ACSS2: variants seen among roughly 807,000 people sequenced by gnomAD.
ACSS2 encodes the protein acetyl-coenzyme A synthetase, cytoplasmic.
Under a neutral mutation model 90.6 loss-of-function variants are expected in ACSS2, and 58 were observed. The observed-to-expected ratio is 0.64, with a 90% CI of 0.52 to 0.80. ACSS2 has a LOEUF of 0.80. ACSS2 is among the 30% of genes least tolerant of loss of function. The pLI, the probability that ACSS2 is intolerant of heterozygous loss-of-function variation, is 0.00. For missense variants in ACSS2, 759 were observed against 912.0 expected, an observed-to-expected ratio of 0.83 and a Z score of 2.16; for synonymous variants, 300 against 330.9, an observed-to-expected ratio of 0.91 and a Z score of 1.01.
At chr20:34,878,985 A>G (rs2079996577) in intron 1 of ACSS2, among the ~76,000 whole-genome samples, 1 of 148,960 alleles carries the variant, frequency 6.7e-6, no homozygotes, top group Admixed American at 6.7e-5. Context: ...GCTCACTGCA[A>G]GCTCCGCCTC....
intron 7 of ACSS2, among the ~76,000 whole-genome samples, chr20:34,917,316 G>A (rs1253127315): frequency 1.3e-5 from 2 of 152,234 alleles, no homozygotes; most frequent in African/African-American, 4.8e-5. Flanking sequence ...CAATGTATGT[G>A]TAGATGCATA....
intron 1 of ACSS2, among the ~76,000 whole-genome samples, chr20:34,882,283 AT>A (rs1175675796): frequency 6.6e-6 from 1 of 152,184 alleles, no homozygotes; most frequent in South Asian, 2.1e-4. Flanking sequence ...AGGAGGAAGA[AT>A]TTGAGTCAAG....
intron 13 of ACSS2, 50 bp downstream of exon 13, chr20:34,921,916 C>A: frequency 6.4e-7 from 1 of 1,573,326 alleles, no homozygotes; most frequent in South Asian, 1.2e-5. Context: ...AAAGGGTCTG[C>A]CAAGGGTACT....
intron 1 of ACSS2, among the ~76,000 whole-genome samples, chr20:34,879,401 A>G (rs889631464): frequency 1.3e-5 from 2 of 151,810 alleles, no homozygotes; most frequent in African/African-American, 4.8e-5. Context: ...CACCACTTCC[A>G]ATAGAGCATT....
chr20:34,923,334 G>A lies in ACSS2; in HGVS notation c.1560G>A (p.Gln520=). Reference sequence around the variant, plus strand: ...TCCTCACTCCCCAGGTGTTCAAGCAGCCCTGGCCAGGGATCATGCGCACAG... The same window carrying A: ...TCCTCACTCCCCAGGTGTTCAAGCAACCCTGGCCAGGGATCATGCGCACAG... The part of the protein sequence containing the change: ...GEAEGYLVFK[Q]PWPGIMRTVY... Residue 520 remains glutamine (Q), a synonymous_variant, in exon 14 of 18, where the codon CAG becomes CAA. Transcript: ENST00000360596. 4 of 1,613,894 alleles carry A rather than the reference G, an allele frequency of 2.5e-6. No homozygotes were observed. The highest frequency in any genetic ancestry group is 1.6e-4 in the Middle Eastern group (1 of 6,062).
intron 2 of ACSS2, among the ~76,000 whole-genome samples, chr20:34,890,311 C>T (rs2080303313): frequency 6.6e-6 from 1 of 152,124 alleles, no homozygotes; most frequent in Admixed American, 6.5e-5. Context: ...ACTTTGGTTC[C>T]AACTTTCTCA....
In ACSS2 at chr20:34,927,605, C is replaced by T; in HGVS notation, c.*391C>T. 5.1e-6 allele frequency: 1 copy of T among 194,262 alleles called. No homozygotes were observed. The allele number at this position is 194,262 out of a possible 1,614,324, so 12.0% of individuals were successfully genotyped here. ...TACTTATATTGGGCATGCACTTGCC[C>T]TTAAAAACAATGATTTGTGAGTCCA... On this transcript the variant is annotated 3_prime_UTR_variant, in exon 18 of 18. Coordinates refer to ENST00000360596, the MANE Select transcript of ACSS2 (RefSeq NM_018677.4). This position sits in a 1 kb window ranked among gnomAD's most constrained non-coding sequence, Gnocchi z 4.2.
At position 34,882,957 on chromosome 20, in the gene ACSS2, GA is replaced by G. The variant is rs1439608452; in HGVS notation, c.347del (p.Lys116SerfsTer54). 6.2e-7 allele frequency: 1 copy of G among 1,604,832 alleles called. No homozygotes were observed. Among genetic ancestry groups the G allele is most frequent in the African/African-American group, 1.3e-5 (1 of 74,256 alleles). ...ATGTACTGGATCGAAATGTCCATGA[GA>G]AAAAGCTTGGAGATAAAGTTGCTTT... ...YNVLDRNVHE[K>X]KLGDKVAFYW... On this transcript the variant is annotated frameshift_variant, in exon 2 of 18. Transcript: ENST00000360596. LOFTEE classifies it high-confidence loss of function.
At position 34,926,401 on chromosome 20, in the gene ACSS2, G is replaced by T. The variant is rs533655050; in HGVS notation, c.1903+120G>T. The stretch of plus-strand genomic sequence containing the variant: ...CCAAACCACAAACAGATTCCAGGGG[G>T]CCCCATGGGCTGATTGCCCTCTTCC... On this transcript the variant is annotated intron_variant, in intron 16 of 17. Transcript: ENST00000360596. The T allele has an allele frequency of 5.8e-5, 60 of 1,042,968 alleles. No individual in the cohort carries two copies. The African/African-American group carries it at 5.8e-4, about 10-fold the overall frequency. 64.6% of individuals were successfully genotyped at this position (1,042,968 alleles called of 1,614,324 possible). A position where few individuals can be genotyped will look rare whatever the true frequency, so the allele number is the denominator to read the frequency against.
intron 4 of ACSS2, 95 bp downstream of exon 4, chr20:34,913,591 C>A: frequency 1.5e-6 from 2 of 1,319,926 alleles, no homozygotes; most frequent in Non-Finnish European, 2.1e-6. Context: ...AAATAACAAA[C>A]TAAGGAGCTT....
rs2081338049 is a variant in ACSS2 at position 34,927,143 on chromosome 20, G to C, written c.2035G>C (p.Asp679His). Residue 679 changes from aspartate (D) to histidine (H), a missense_variant, in exon 18 of 18, where the codon GAC (aspartate) becomes CAC (histidine). Asp to His is a moderately conservative substitution (Grantham distance 81). Coordinates refer to ENST00000360596, the MANE Select transcript of ACSS2 (RefSeq NM_018677.4). The surrounding 1 kb of genome is among the most constrained non-coding windows in gnomAD (Gnocchi z 4.2). ...KIAQNDHDLG[D>H]MSTVADPSVI... ...TGCTCAGAATGACCATGACCTCGGGGACATGTCTACTGTGGCTGACCCATC... is the reference window on the plus strand; with the variant it reads ...TGCTCAGAATGACCATGACCTCGGGCACATGTCTACTGTGGCTGACCCATC... 1 of 1,614,036 alleles carries C rather than the reference G, an allele frequency of 6.2e-7. No homozygotes were observed. Among genetic ancestry groups the C allele is most frequent in the Non-Finnish European group, 8.5e-7 (1 of 1,180,038 alleles).
At chr20:34,899,681 G>A (rs1245801657) in intron 2 of ACSS2, among the ~76,000 whole-genome samples, 1 of 151,776 alleles carries the variant, frequency 6.6e-6, no homozygotes, top group Admixed American at 6.6e-5. Flanking sequence ...TAGAGACGGG[G>A]TTTCACCATG....
intron 2 of ACSS2, among the ~76,000 whole-genome samples, chr20:34,884,820 A>T (rs960845655): frequency 1.3e-5 from 2 of 152,218 alleles, no homozygotes; most frequent in African/African-American, 4.8e-5. Context: ...GCACTTTGGG[A>T]GGCTGAGGCA....
chr20:34,898,212 A>G (rs1220608640), intron 2 of ACSS2, among the ~76,000 whole-genome samples: 2 of 152,164 alleles, frequency 1.3e-5, no homozygotes, highest in African/African-American at 4.8e-5. Context: ...CACAGTGTGG[A>G]AGGGGACCTG....
intron 8 of ACSS2, 26 bp downstream of exon 8, chr20:34,919,598 T>A (rs1468111919): frequency 6.4e-7 from 1 of 1,569,446 alleles, no homozygotes; most frequent in Non-Finnish European, 8.6e-7. Flanking sequence ...TGTGTGTGTG[T>A]GTGTGTGTGT....
At chr20:34,899,756 G>A (rs1219695634) in intron 2 of ACSS2, among the ~76,000 whole-genome samples, 2 of 151,940 alleles carry the variant, frequency 1.3e-5, no homozygotes, top group Non-Finnish European at 2.9e-5. Context: ...CAAAGTGCTG[G>A]GATTACAGGC....
intron 13 of ACSS2, among the ~76,000 whole-genome samples, chr20:34,922,599 C>T (rs1045061736): frequency 3.9e-5 from 6 of 152,106 alleles, no homozygotes; most frequent in Non-Finnish European, 8.8e-5. Flanking sequence ...AGCAAAATTC[C>T]GTCTCAGAAA....
intron 2 of ACSS2, among the ~76,000 whole-genome samples, chr20:34,910,847 G>A (rs2080936229): frequency 6.6e-6 from 1 of 152,168 alleles, no homozygotes; most frequent in African/African-American, 2.4e-5. Context: ...TTTTGAGACA[G>A]GGACTCACTC....
intron 2 of ACSS2, among the ~76,000 whole-genome samples, chr20:34,902,619 G>A (rs2080691904): frequency 6.6e-6 from 1 of 152,124 alleles, no homozygotes; most frequent in Non-Finnish European, 1.5e-5. Context: ...GGCATAGCAG[G>A]AGTGCGGATT....
Sources: allele counts gnomAD v4.1 joint callset (sites outside exome capture counted in the v4.1 genomes callset), GRCh38; gene constraint gnomAD v4.1.1; non-coding constraint Gnocchi (gnomAD v3.1); transcripts MANE v1.5; gene names NCBI Gene and HGNC (gene_info 2026-07-23, HGNC 2026-07-21).